The following CDH8 variants were observed in gnomAD, a reference collection of about 807,000 sequenced individuals.
The protein encoded by CDH8 is cadherin 8, also known as cadherin-8.
Under a neutral mutation model 68.1 loss-of-function variants are expected in CDH8, and 17 were observed. The observed-to-expected ratio is 0.25, with a 90% CI of 0.17 to 0.37. The LOEUF is 0.37. Ranked by LOEUF, CDH8 falls within the 10% of genes least tolerant of loss-of-function variation. The pLI, the probability that CDH8 is intolerant of heterozygous loss-of-function variation, is 1.00. For synonymous variants in CDH8, 372 were observed against 365.1 expected, an observed-to-expected ratio of 1.02 and a Z score of -0.21; for missense variants, 763 against 999.3, an observed-to-expected ratio of 0.76 and a Z score of 3.19.
At chr16:61,968,104 C>A (rs568062718) in intron 2 of CDH8, among the ~76,000 whole-genome samples, 1 of 152,098 alleles carries the variant, frequency 6.6e-6, no homozygotes, top group Non-Finnish European at 1.5e-5. Flanking sequence ...CCGGGCTGGG[C>A]CTAGAGATCA....
chr16:61,991,304 G>A (rs1186959056), intron 2 of CDH8, among the ~76,000 whole-genome samples: 1 of 152,144 alleles, frequency 6.6e-6, no homozygotes, highest in African/African-American at 2.4e-5. Context: ...ACTTTTGTGT[G>A]CTCTGTCTGT....
intron 2 of CDH8, among the ~76,000 whole-genome samples, chr16:61,943,559 C>T (rs1269307942): frequency 6.6e-6 from 1 of 152,168 alleles, no homozygotes; most frequent in Non-Finnish European, 1.5e-5. Flanking sequence ...AACCTAACTG[C>T]TCACATGAAT....
intron 3 of CDH8, among the ~76,000 whole-genome samples, chr16:61,870,791 A>G (rs1036740131): frequency 6.6e-6 from 1 of 152,114 alleles, no homozygotes; most frequent in African/African-American, 2.4e-5. Context: ...AGTGTGCCAC[A>G]TAATTTGAAT....
chr16:61,971,279 C>T (rs1328470354), intron 2 of CDH8, among the ~76,000 whole-genome samples: 2 of 152,096 alleles, frequency 1.3e-5, no homozygotes, highest in Non-Finnish European at 2.9e-5. Context: ...TGCATGAACG[C>T]CCCCACTTCA....
intron 7 of CDH8, among the ~76,000 whole-genome samples, chr16:61,809,883 C>A (rs1008212393): frequency 6.6e-6 from 1 of 152,128 alleles, no homozygotes; most frequent in Non-Finnish European, 1.5e-5. Context: ...TAGCAAAGAC[C>A]GTGGAATTCA....
chr16:61,652,122 T>C lies in CDH8; in HGVS notation c.*1486A>G, dbSNP rs1278301918. 2 of 967,970 alleles carry C rather than the reference T, an allele frequency of 2.1e-6. No homozygotes were observed. Among genetic ancestry groups the C allele is most frequent in the Non-Finnish European group, 2.5e-6 (2 of 814,120 alleles). The allele number at this position is 967,970 out of a possible 1,614,324, so 60.0% of individuals were successfully genotyped here. On this transcript the variant is annotated 3_prime_UTR_variant, in exon 12 of 12. Coordinates refer to ENST00000577390, the MANE Select transcript of CDH8 (RefSeq NM_001796.5). ...ATTAAAGCAAAGTAGAAAATTAAAA[T>C]GATCTGCATGTAATACTTGAGTTTT...
chr16:61,799,571 T>G (rs1052435763), intron 7 of CDH8, among the ~76,000 whole-genome samples: 1 of 152,112 alleles, frequency 6.6e-6, no homozygotes, highest in Non-Finnish European at 1.5e-5. Context: ...AAGAGAAATA[T>G]GTATAATATC....
rs544721068 is a variant in CDH8 at position 61,913,632 on chromosome 16, C to T, written c.253-12159G>A. 7.2e-5 allele frequency among the ~76,000 whole-genome samples: 11 copies of T among 152,098 alleles called. No individual in the cohort carries two copies. The East Asian group carries it at 1.4e-3, about 19-fold the overall frequency. ...GTGTTTGTGTGTGTGTGCATGTGTA[C>T]GTTTCTCCCTTCTCCATTCCACAAA... On this transcript the variant is annotated intron_variant, in intron 2 of 11. Transcript: ENST00000577390.
At chr16:61,978,638 C>T (rs1276779783) in intron 2 of CDH8, among the ~76,000 whole-genome samples, 1 of 152,060 alleles carries the variant, frequency 6.6e-6, no homozygotes, top group East Asian at 1.9e-4. Context: ...GCATTGGTCC[C>T]CACTTGACAT....
intron 8 of CDH8, among the ~76,000 whole-genome samples, chr16:61,730,500 T>C (rs1481336375): frequency 2.6e-5 from 4 of 151,576 alleles, no homozygotes; most frequent in Non-Finnish European, 5.9e-5. Context: ...TATTATTTTC[T>C]TCTTTAGTTT....
At chr16:62,031,478 G>A (rs1005592963) in intron 1 of CDH8, among the ~76,000 whole-genome samples, 1 of 152,036 alleles carries the variant, frequency 6.6e-6, no homozygotes, top group African/African-American at 2.4e-5. Context: ...TATTTACTGA[G>A]CACTAACTCT....
intron 2 of CDH8, among the ~76,000 whole-genome samples, chr16:61,905,232 G>T (rs139894922): frequency 6.6e-6 from 1 of 152,218 alleles, no homozygotes; most frequent in Non-Finnish European, 1.5e-5. Context: ...TCATTCAGCT[G>T]GCTGTAGTAC....
chr16:61,800,119 AGGCTG>A (rs1242350834), intron 7 of CDH8, among the ~76,000 whole-genome samples: 1 of 152,182 alleles, frequency 6.6e-6, no homozygotes, highest in African/African-American at 2.4e-5. Context: ...CATGTTGCCT[AGGCTG>A]GTGGTCTCTC....
In CDH8 at chr16:61,648,503, C is replaced by A. The variant is rs1963251909; in HGVS notation, c.*5105G>T. 1 of 151,718 alleles carries A rather than the reference C, an allele frequency of 6.6e-6. No individual in the cohort carries two copies. The highest frequency in any genetic ancestry group is 1.5e-5 in the Non-Finnish European group (1 of 67,860). The allele number at this position is 151,718 out of a possible 1,614,324, so 9.4% of individuals were successfully genotyped here. On this transcript the variant is annotated 3_prime_UTR_variant, in exon 12 of 12. Transcript: ENST00000577390. ...ATATAACTTAGTTTCTATTTCTTAT[C>A]ATCAAAAGTCTCATAATTACAGAGA...
chr16:61,747,138 A>G (rs1960043487), intron 8 of CDH8, among the ~76,000 whole-genome samples: 1 of 152,140 alleles, frequency 6.6e-6, no homozygotes. Context: ...CTGAATTAGT[A>G]TCCATAAAAT....
chr16:61,691,411 T>G (rs925958202), intron 10 of CDH8, among the ~76,000 whole-genome samples: 2 of 152,008 alleles, frequency 1.3e-5, no homozygotes, highest in Non-Finnish European at 2.9e-5. Flanking sequence ...CACTAAATTT[T>G]TATTGCCTCC....
At chr16:61,730,533 G>A (rs1003465260) in intron 8 of CDH8, among the ~76,000 whole-genome samples, 10 of 151,232 alleles carry the variant, frequency 6.6e-5, no homozygotes, top group African/African-American at 9.7e-5. Flanking sequence ...TTTATAGTTC[G>A]GTGAGAAACT....
chr16:62,010,486 A>G (rs1180165174), intron 2 of CDH8, among the ~76,000 whole-genome samples: 1 of 152,148 alleles, frequency 6.6e-6, no homozygotes, highest in African/African-American at 2.4e-5. Flanking sequence ...GGAAATGACT[A>G]TTCCCTTCAG....
At chr16:61,816,665 A>T (rs923663980) in intron 7 of CDH8, among the ~76,000 whole-genome samples, 1 of 152,184 alleles carries the variant, frequency 6.6e-6, no homozygotes, top group Non-Finnish European at 1.5e-5. Flanking sequence ...CATAGAAGTT[A>T]TAGATTTTCA....
Sources: gnomAD v4.1 joint callset for allele counts (sites outside exome capture counted in the v4.1 genomes callset) on GRCh38, gnomAD v4.1.1 for gene constraint, MANE v1.5 for transcripts, NCBI Gene and HGNC (gene_info 2026-07-23, HGNC 2026-07-21) for gene names.